FHIT: variants seen among roughly 807,000 people sequenced by gnomAD.
FHIT encodes the protein fragile histidine triad diadenosine triphosphatase, also known as bis(5'-adenosyl)-triphosphatase.
FHIT carries 19 observed loss-of-function variants against 17.9 expected under a neutral mutation model. The ratio of observed to expected loss-of-function variants is 1.06; its 90% CI spans 0.74 to 1.56. The LOEUF (loss-of-function observed/expected upper bound fraction) is 1.56. Among genes scored for constraint, FHIT ranks in the 40% most tolerant of loss-of-function variants. FHIT has a pLI of 0.00. For missense variants in FHIT, 248 were observed against 189.2 expected, an observed-to-expected ratio of 1.31 and a Z score of -1.82; for synonymous variants, 81 against 69.7, an observed-to-expected ratio of 1.16 and a Z score of -0.81.
intron 5 of FHIT, among the ~76,000 whole-genome samples, chr3:60,526,161 C>A (rs905088783): frequency 2.0e-4 from 31 of 151,656 alleles, no homozygotes; most frequent in Non-Finnish European, 4.1e-4. Flanking sequence ...CACACACACA[C>A]ACAAACAGGT....
chr3:60,932,129 G>A (rs1188720806), intron 3 of FHIT, among the ~76,000 whole-genome samples: 2 of 152,152 alleles, frequency 1.3e-5, no homozygotes, highest in African/African-American at 4.8e-5. Context: ...CCACTGATAA[G>A]CCTCTGATGA....
At chr3:60,113,220 G>T (rs1349903621) in intron 5 of FHIT, among the ~76,000 whole-genome samples, 1 of 152,136 alleles carries the variant, frequency 6.6e-6, no homozygotes, top group Non-Finnish European at 1.5e-5. Flanking sequence ...CTCTGTGAAG[G>T]TAAGGATCCT....
intron 1 of FHIT, among the ~76,000 whole-genome samples, chr3:61,231,221 G>A (rs2040091946): frequency 1.3e-5 from 2 of 152,180 alleles, no homozygotes; most frequent in Admixed American, 6.5e-5. Context: ...TGGGTTGTGT[G>A]CAATGGCTCA....
At chr3:59,950,069 G>A (rs1171550897) in intron 7 of FHIT, among the ~76,000 whole-genome samples, 2 of 152,096 alleles carry the variant, frequency 1.3e-5, no homozygotes, top group East Asian at 1.9e-4. Flanking sequence ...TGGCCTTTCT[G>A]GGTCTTAATG....
chr3:60,082,428 A>G (rs986897742), intron 5 of FHIT, among the ~76,000 whole-genome samples: 1 of 152,144 alleles, frequency 6.6e-6, no homozygotes, highest in African/African-American at 2.4e-5. Flanking sequence ...TAGTGCTACA[A>G]TAAACATACA....
At chr3:60,581,868 T>C (rs1368827458) in intron 4 of FHIT, among the ~76,000 whole-genome samples, 1 of 152,018 alleles carries the variant, frequency 6.6e-6, no homozygotes, top group African/African-American at 2.4e-5. Context: ...AAGTTCTTTA[T>C]TAGCAAGCAA....
chr3:60,051,014 A>G (rs1701851137), intron 5 of FHIT, among the ~76,000 whole-genome samples: 2 of 152,162 alleles, frequency 1.3e-5, no homozygotes, highest in Admixed American at 1.3e-4. Flanking sequence ...TTGTGTCCTC[A>G]GAGGGTTCCT....
chr3:60,443,780 G>A (rs539764947), intron 5 of FHIT, among the ~76,000 whole-genome samples: 17 of 152,006 alleles, frequency 1.1e-4, no homozygotes, highest in Middle Eastern at 3.4e-3. Flanking sequence ...GGATGATGCC[G>A]GCCTCATACT....
intron 8 of FHIT, among the ~76,000 whole-genome samples, chr3:59,869,294 T>A (rs1255645245): frequency 6.6e-6 from 1 of 152,104 alleles, no homozygotes; most frequent in African/African-American, 2.4e-5. Flanking sequence ...AAAGGACACA[T>A]AAGGGTCTCA....
chr3:60,813,366 G>C (rs1701630462), intron 4 of FHIT, among the ~76,000 whole-genome samples: 1 of 151,868 alleles, frequency 6.6e-6, no homozygotes, highest in Non-Finnish European at 1.5e-5. Context: ...AATGGACTAA[G>C]ACAAATGATA....
chr3:60,205,921 A>G (rs1559726675), intron 5 of FHIT, among the ~76,000 whole-genome samples: 1 of 151,864 alleles, frequency 6.6e-6, no homozygotes, highest in Non-Finnish European at 1.5e-5. Flanking sequence ...ATCCTGGCTA[A>G]CACGGTGAAA....
intron 4 of FHIT, among the ~76,000 whole-genome samples, chr3:60,592,912 C>G (rs1464657164): frequency 6.6e-6 from 1 of 152,052 alleles, no homozygotes; most frequent in Non-Finnish European, 1.5e-5. Flanking sequence ...GGTTCCTGTG[C>G]CTGGGATATA....
intron 5 of FHIT, among the ~76,000 whole-genome samples, chr3:60,328,219 G>A (rs1709794117): frequency 1.3e-5 from 2 of 152,168 alleles, no homozygotes. Context: ...GGAATGAGCA[G>A]AGACAGGGAT....
intron 5 of FHIT, among the ~76,000 whole-genome samples, chr3:60,497,132 G>A (rs567890261): frequency 1.3e-5 from 2 of 151,932 alleles, no homozygotes; most frequent in African/African-American, 2.4e-5. Context: ...GCATGGTATT[G>A]TATCTGGTCG....
intron 4 of FHIT, among the ~76,000 whole-genome samples, chr3:60,670,740 A>G (rs62251493): frequency 0.068 from 10,327 of 152,294 alleles, 468 homozygotes; most frequent in African/African-American, 0.13. Flanking sequence ...TTAATTTGAA[A>G]GCAAGCAATG....
chr3:60,842,227 T>C (rs1553745211), intron 3 of FHIT, among the ~76,000 whole-genome samples: 1 of 152,044 alleles, frequency 6.6e-6, no homozygotes, highest in African/African-American at 2.4e-5. Context: ...AATCTGGAGT[T>C]CTCTGTAGTA....
At chr3:60,638,572 C>T (rs1553684561) in intron 4 of FHIT, among the ~76,000 whole-genome samples, 1 of 152,066 alleles carries the variant, frequency 6.6e-6, no homozygotes, top group African/African-American at 2.4e-5. Context: ...ATCACAATGT[C>T]TGGGGTAAGA....
chr3:60,129,042 C>CCTTTTTTT (rs1553692314), intron 5 of FHIT, among the ~76,000 whole-genome samples: 2 of 113,012 alleles, frequency 1.8e-5, no homozygotes, highest in African/African-American at 6.8e-5. Flanking sequence ...TTCTTCTTTC[C>CCTTTTTTT]TTTTTTGTTT....
chr3:60,087,521 G>C (rs1252347577), intron 5 of FHIT, among the ~76,000 whole-genome samples: 1 of 152,032 alleles, frequency 6.6e-6, no homozygotes, highest in African/African-American at 2.4e-5. Context: ...TCTTTCCTTT[G>C]CTGCTTTAAT....
Sources: allele counts gnomAD v4.1 joint callset (sites outside exome capture counted in the v4.1 genomes callset), GRCh38; gene constraint gnomAD v4.1.1; transcripts MANE v1.5; gene names NCBI Gene and HGNC (gene_info 2026-07-23, HGNC 2026-07-21).